The following NFILZ variants were observed in gnomAD, a reference collection of about 807,000 sequenced individuals.
NFILZ encodes the protein NFIL3 like basic leucine zipper, also known as NFIL3 like protein.
chr19:8,656,026 C>T (rs1555748280), intron 3 of NFILZ, among the ~76,000 whole-genome samples: 1 of 152,032 alleles, frequency 6.6e-6, no homozygotes, highest in African/African-American at 2.4e-5. Flanking sequence ...AGGTTCTACC[C>T]TCTCCGAGGT....
At chr19:8,675,229 C>A (rs1178644537) in intron 4 of NFILZ, among the ~76,000 whole-genome samples, 1 of 152,166 alleles carries the variant, frequency 6.6e-6, no homozygotes, top group East Asian at 1.9e-4. Context: ...CCCTTCTTTC[C>A]TGAAGTTTGT....
At chr19:8,645,956 G>A (rs1211048197) in intron 3 of NFILZ, among the ~76,000 whole-genome samples, 1 of 152,116 alleles carries the variant, frequency 6.6e-6, no homozygotes, top group African/African-American at 2.4e-5. Flanking sequence ...AAAGTAACTG[G>A]AAAACCACAA....
intron 3 of NFILZ, among the ~76,000 whole-genome samples, chr19:8,650,233 C>T (rs535886454): frequency 3.9e-5 from 6 of 151,952 alleles, no homozygotes; most frequent in South Asian, 4.2e-4. Context: ...CAAGAAGCTG[C>T]AAAAATAGCA....
At chr19:8,653,247 A>T (rs2042977703) in intron 3 of NFILZ, among the ~76,000 whole-genome samples, 1 of 151,692 alleles carries the variant, frequency 6.6e-6, no homozygotes, top group South Asian at 2.1e-4. Flanking sequence ...CACCCAGCTA[A>T]TTTTTGCATC....
chr19:8,652,993 TTCCTTCCTTC>T lies in NFILZ; in HGVS notation c.-164+17248_-164+17257del, dbSNP rs2042973148. ...CCTCCTTCCTTCCTTCCTTCCTTCC[TTCCTTCCTTC>T]CTTCCTTCCTTTCTTTCTTTCTTTC... is the stretch of plus-strand genomic sequence containing the variant. On this transcript the variant is annotated intron_variant, in intron 3 of 5. Transcript: ENST00000691075. 1.1e-3 allele frequency among the ~76,000 whole-genome samples: 45 copies of T among 41,606 alleles called. 2 individuals are homozygous for T. The highest frequency in any genetic ancestry group is 7.9e-3 in the Middle Eastern group (1 of 126). The allele number at this position is 41,606 out of a possible 152,430, so 27.3% of individuals were successfully genotyped here. A position where few individuals can be genotyped will look rare whatever the true frequency, so the allele number is the denominator to read the frequency against.
At chr19:8,673,505 C>T (rs1555750472) in intron 3 of NFILZ, among the ~76,000 whole-genome samples, 2 of 152,216 alleles carry the variant, frequency 1.3e-5, no homozygotes, top group Non-Finnish European at 2.9e-5. Context: ...ACCACTACAG[C>T]AAGTGGCAAC....
At chr19:8,648,527 G>A (rs1251730373) in intron 3 of NFILZ, among the ~76,000 whole-genome samples, 2 of 151,934 alleles carry the variant, frequency 1.3e-5, no homozygotes, top group South Asian at 2.1e-4. Flanking sequence ...ACACAAAAAA[G>A]GCAGATGTGG....
chr19:8,637,965 C>T (rs965797133), intron 3 of NFILZ, among the ~76,000 whole-genome samples: 5 of 120,896 alleles, frequency 4.1e-5, no homozygotes, highest in Admixed American at 2.4e-4. Flanking sequence ...AACAAAAAGC[C>T]TCCACATAGT....
chr19:8,666,048 T>C (rs1287377534), intron 3 of NFILZ, among the ~76,000 whole-genome samples: 1 of 151,922 alleles, frequency 6.6e-6, no homozygotes, highest in Non-Finnish European at 1.5e-5. Flanking sequence ...TTCTCACCTT[T>C]TTTTTTTTGT....
chr19:8,633,916 TTCCTTCC>T (rs2042882658), intron 2 of NFILZ, among the ~76,000 whole-genome samples: 2 of 147,506 alleles, frequency 1.4e-5, no homozygotes, highest in African/African-American at 2.5e-5. Flanking sequence ...CCTTCCTTCC[TTCCTTCC>T]TTCCTTCCTT....
chr19:8,662,905 A>T (rs1220274047), intron 3 of NFILZ, among the ~76,000 whole-genome samples: 1 of 151,188 alleles, frequency 6.6e-6, no homozygotes, highest in Non-Finnish European at 1.5e-5. Context: ...CTGGGATTAC[A>T]TGCATGAGCC....
chr19:8,652,860 CTTTT>C (rs144859864), intron 3 of NFILZ, among the ~76,000 whole-genome samples: 3,281 of 142,992 alleles, frequency 0.023, 129 homozygotes, highest in African/African-American at 0.081. Flanking sequence ...CCTTTTCTTT[CTTTT>C]CTTACTTTCT....
intron 2 of NFILZ, among the ~76,000 whole-genome samples, chr19:8,634,121 C>T (rs2042884147): frequency 6.6e-6 from 1 of 151,984 alleles, no homozygotes; most frequent in African/African-American, 2.4e-5. Flanking sequence ...CCTCAGCCTC[C>T]CAAGTAGCTG....
chr19:8,639,849 G>A (rs1199052814), intron 3 of NFILZ, among the ~76,000 whole-genome samples: 2 of 152,182 alleles, frequency 1.3e-5, no homozygotes, highest in East Asian at 3.8e-4. Flanking sequence ...CGGCAGCTGA[G>A]CCAGGTGGCC....
intron 3 of NFILZ, among the ~76,000 whole-genome samples, chr19:8,653,042 C>T (rs1390479957): frequency 0.21 from 4,219 of 20,014 alleles, 201 homozygotes; most frequent in East Asian, 0.3. Flanking sequence ...CTTTCTTTCT[C>T]TCTCTCTCTC....
intron 3 of NFILZ, among the ~76,000 whole-genome samples, chr19:8,658,877 G>A (rs782237561): frequency 1.7e-4 from 26 of 152,126 alleles, no homozygotes; most frequent in Non-Finnish European, 2.6e-4. Context: ...TTGAGCCCAG[G>A]AGGTCGAGGC....
At chr19:8,653,558 A>G (rs1004821809) in intron 3 of NFILZ, among the ~76,000 whole-genome samples, 7 of 152,210 alleles carry the variant, frequency 4.6e-5, no homozygotes, top group Non-Finnish European at 1.0e-4. Flanking sequence ...AATTGCAAAG[A>G]TATGGAACCA....
chr19:8,635,448 C>T (rs1318264787), intron 2 of NFILZ, among the ~76,000 whole-genome samples: 1 of 152,080 alleles, frequency 6.6e-6, no homozygotes, highest in Admixed American at 6.6e-5. Flanking sequence ...GACTTCCTCT[C>T]TGTTGCTATA....
rs184931879 is a variant in NFILZ at position 8,678,381 on chromosome 19, C to A, written c.*746C>A. Among the ~76,000 whole-genome samples, 51 of 151,954 alleles carry A rather than the reference C, an allele frequency of 3.4e-4. No homozygotes were observed. Among genetic ancestry groups the A allele is most frequent in the Non-Finnish European group, 5.9e-5 (4 of 67,954 alleles). ...TTTTCCTTCTATCTATCCATCCATC[C>A]ATTCATTCATCCACCCATCCACCTA... is the stretch of plus-strand genomic sequence containing the variant. On this transcript the variant is annotated 3_prime_UTR_variant, in exon 6 of 6. Coordinates refer to ENST00000691075, the MANE Select transcript of NFILZ (RefSeq NM_001378600.1).
Sources: allele counts gnomAD v4.1 joint callset (sites outside exome capture counted in the v4.1 genomes callset), GRCh38; gene constraint gnomAD v4.1.1; transcripts MANE v1.5; gene names NCBI Gene and HGNC (gene_info 2026-07-23, HGNC 2026-07-21).